The following SORCS2 variants were observed in gnomAD, a reference collection of about 807,000 sequenced individuals.
SORCS2 encodes sortilin related VPS10 domain containing receptor 2.
SORCS2 carries 100 observed loss-of-function variants against 141.6 expected under a neutral mutation model. That is an observed-to-expected ratio of 0.71 (90% confidence interval 0.60 to 0.83). The LOEUF is 0.83. Ranked by LOEUF, SORCS2 falls within the 40% of genes least tolerant of loss-of-function variation. The probability of loss-of-function intolerance (pLI) is 0.00; values close to 1 mark genes in which losing one functional copy is unlikely to be tolerated. For missense variants in SORCS2, 1,646 were observed against 1,560.2 expected, an observed-to-expected ratio of 1.05 and a Z score of -0.93; for synonymous variants, 789 against 676.9, an observed-to-expected ratio of 1.17 and a Z score of -2.57.
chr4:7,381,794 G>A, intron 1 of SORCS2: 1 of 455,032 alleles, frequency 2.2e-6, no homozygotes, highest in Non-Finnish European at 2.9e-6. Context: ...CTGGACTGCA[G>A]CCATGTGCAG....
chr4:7,551,990 AACC>A (rs1314640636), intron 3 of SORCS2, among the ~76,000 whole-genome samples: 2 of 152,238 alleles, frequency 1.3e-5, no homozygotes. Flanking sequence ...TAATGGTTGC[AACC>A]ACATCACTGT....
chr4:7,336,319 C>A, intron 1 of SORCS2, among the ~76,000 whole-genome samples: 1 of 152,198 alleles, frequency 6.6e-6, no homozygotes. Flanking sequence ...TTCTGGGTGG[C>A]GGTGTCTCCC....
intron 1 of SORCS2, among the ~76,000 whole-genome samples, chr4:7,355,101 GT>G (rs1362248265): frequency 6.6e-6 from 1 of 152,098 alleles, no homozygotes; most frequent in Non-Finnish European, 1.5e-5. Context: ...TTGTTCATTT[GT>G]TTGCATAATT....
intron 1 of SORCS2, among the ~76,000 whole-genome samples, chr4:7,240,124 C>T (rs1044837556): frequency 1.3e-5 from 2 of 152,174 alleles, no homozygotes; most frequent in African/African-American, 2.4e-5. Flanking sequence ...GTTGGGCCTC[C>T]GTGTTCTGGG....
chr4:7,446,918 G>A (rs1291968650), intron 2 of SORCS2, among the ~76,000 whole-genome samples: 3 of 152,204 alleles, frequency 2.0e-5, no homozygotes. Flanking sequence ...CTCACCCTAG[G>A]TCATGGCAGC....
At chr4:7,275,414 T>C (rs73206467) in intron 1 of SORCS2, among the ~76,000 whole-genome samples, 14,185 of 152,212 alleles carry the variant, frequency 0.093, 844 homozygotes, top group East Asian at 0.2. Flanking sequence ...ATCATGTGTC[T>C]GGCTCAGGGC....
At chr4:7,576,914 G>T (rs1284965237) in intron 3 of SORCS2, among the ~76,000 whole-genome samples, 1 of 152,178 alleles carries the variant, frequency 6.6e-6, no homozygotes, top group Non-Finnish European at 1.5e-5. Flanking sequence ...CTGGAAATGG[G>T]GCCGGGTTAT....
At chr4:7,320,851 C>G (rs2001305) in intron 1 of SORCS2, among the ~76,000 whole-genome samples, 85,038 of 151,614 alleles carry the variant, frequency 0.56, 26,008 homozygotes, top group East Asian at 0.83. Flanking sequence ...ATGGGACCCA[C>G]CCTCCCTTCC....
Position 7,193,043 on chromosome 4 carries a change from T to G in SORCS2, c.397T>G (p.Ser133Ala), listed in dbSNP as rs1354741167. Reference sequence around the variant, plus strand: ...CGGAGTGGCTTCGCGGGCGCAGGTCTCGCTCATCAGCACGTCGTTCGTGCT... The same window carrying G: ...CGGAGTGGCTTCGCGGGCGCAGGTCGCGCTCATCAGCACGTCGTTCGTGCT... The part of the protein sequence containing the change: ...LAGVASRAQV[S>A]LISTSFVLKG... Residue 133 changes from serine (S) to alanine (A), a missense_variant, in exon 1 of 27, where the codon TCG (serine) becomes GCG (alanine). Transcript: ENST00000507866. The surrounding 1 kb of genome is among the most constrained non-coding windows in gnomAD (Gnocchi z 4.8). 6.5e-7 allele frequency: 1 copy of G among 1,529,014 alleles called. No individual in the cohort carries two copies. Among genetic ancestry groups the G allele is most frequent in the East Asian group, 2.7e-5 (1 of 36,888 alleles). 94.7% of individuals were successfully genotyped at this position (1,529,014 alleles called of 1,614,324 possible).
At chr4:7,433,818 G>C in intron 2 of SORCS2, 1 of 1,613,824 alleles carries the variant, frequency 6.2e-7, no homozygotes, top group Non-Finnish European at 8.5e-7. Flanking sequence ...TCTCTGGGGT[G>C]ATTTTGGCCA....
chr4:7,531,644 G>C lies in SORCS2; in HGVS notation c.648+15G>C. The C allele has an allele frequency of 6.2e-7, 1 of 1,610,084 alleles. No individual in the cohort carries two copies. The highest frequency in any genetic ancestry group is 8.5e-7 in the Non-Finnish European group (1 of 1,177,906). On this transcript the variant is annotated intron_variant, in intron 3 of 26. Coordinates refer to ENST00000507866, the MANE Select transcript of SORCS2 (RefSeq NM_020777.3). ...ACAAGAGGAAGGTAGGTGCTGGCTG[G>C]GGGTGGCCGCCACTCTGGCTCTCGC...
chr4:7,202,180 C>T (rs1023547656), intron 1 of SORCS2, among the ~76,000 whole-genome samples: 12 of 152,210 alleles, frequency 7.9e-5, no homozygotes, highest in African/African-American at 2.9e-4. Context: ...GCAATTTGCT[C>T]ACTGCTGATT....
intron 4 of SORCS2, among the ~76,000 whole-genome samples, chr4:7,638,850 T>G (rs1211147574): frequency 1.3e-5 from 2 of 152,158 alleles, no homozygotes; most frequent in Non-Finnish European, 1.5e-5. Context: ...TCCAGAACAT[T>G]GCGCACACCC....
chr4:7,479,240 C>A (rs1372532213), intron 2 of SORCS2, among the ~76,000 whole-genome samples: 1 of 151,922 alleles, frequency 6.6e-6, no homozygotes. Context: ...ACACAGGACA[C>A]AGGACATGTT....
chr4:7,524,101 G>A (rs893461178), intron 2 of SORCS2, among the ~76,000 whole-genome samples: 1 of 152,240 alleles, frequency 6.6e-6, no homozygotes, highest in Non-Finnish European at 1.5e-5. Flanking sequence ...ATAGAGAGGT[G>A]AATAGAGTCG....
intron 3 of SORCS2, among the ~76,000 whole-genome samples, chr4:7,540,940 G>A (rs1273592208): frequency 6.6e-6 from 1 of 152,216 alleles, no homozygotes; most frequent in African/African-American, 2.4e-5. Flanking sequence ...CCCCACCCAC[G>A]AGGCTGCCCT....
chr4:7,199,861 C>T (rs28682532), intron 1 of SORCS2, among the ~76,000 whole-genome samples: 10,913 of 152,124 alleles, frequency 0.072, 1,122 homozygotes, highest in African/African-American at 0.23. Flanking sequence ...CACTCTCCCA[C>T]TCCCCAAAAT....
At chr4:7,525,221 T>C (rs928974171) in intron 2 of SORCS2, among the ~76,000 whole-genome samples, 13 of 152,252 alleles carry the variant, frequency 8.5e-5, no homozygotes, top group Non-Finnish European at 1.9e-4. Flanking sequence ...AAGAGGCTTC[T>C]GGGAAGAACG....
chr4:7,390,146 T>C (rs1433690237), intron 1 of SORCS2, among the ~76,000 whole-genome samples: 2 of 152,196 alleles, frequency 1.3e-5, no homozygotes, highest in African/African-American at 4.8e-5. Flanking sequence ...GACACTGACC[T>C]TAAGTTCTCC....
Sources: allele counts gnomAD v4.1 joint callset (sites outside exome capture counted in the v4.1 genomes callset), GRCh38; gene constraint gnomAD v4.1.1; non-coding constraint Gnocchi (gnomAD v3.1); transcripts MANE v1.5; gene names NCBI Gene and HGNC (gene_info 2026-07-23, HGNC 2026-07-21).